The following WDFY2 variants were observed in gnomAD, a reference collection of about 807,000 sequenced individuals.
The protein encoded by WDFY2 is WD repeat and FYVE domain containing 2.
Under a neutral mutation model 56.4 loss-of-function variants are expected in WDFY2, and 36 were observed. The ratio of observed to expected loss-of-function variants is 0.64; its 90% confidence interval spans 0.49 to 0.84. The LOEUF (loss-of-function observed/expected upper bound fraction) is 0.84. Among genes scored for constraint, WDFY2 ranks in the 40% least tolerant of loss-of-function variants. The probability of loss-of-function intolerance (pLI) is 0.00; values close to 1 mark genes in which losing one functional copy is unlikely to be tolerated. For synonymous variants in WDFY2, 176 were observed against 183.7 expected (o/e 0.96, Z 0.34); for missense variants, 444 against 512.2 (o/e 0.87, Z 1.29).
Position 51,766,365 on chromosome 13 carries a change from C to T in WDFY2, c.*6596C>T, listed in dbSNP as rs963694319. On this transcript the variant is annotated 3_prime_UTR_variant, in exon 12 of 12. Transcript: ENST00000298125. The stretch of plus-strand genomic sequence containing the variant: ...CGGATCTTCCATTCTCTACATCCAC[C>T]GGACTGCAGCCCAAGTCTGGACCTG... The T allele has an allele frequency of 1.3e-5, 2 of 152,220 alleles. No individual in the cohort carries two copies. The highest frequency in any genetic ancestry group is 2.1e-4 in the South Asian group (1 of 4,832). The allele number at this position is 152,220 out of a possible 1,614,324, so 9.4% of individuals were successfully genotyped here.
chr13:51,618,593 G>C (rs1200919461), intron 1 of WDFY2, among the ~76,000 whole-genome samples: 1 of 152,226 alleles, frequency 6.6e-6, no homozygotes, highest in Non-Finnish European at 1.5e-5. Flanking sequence ...TGATTAGTGA[G>C]TGTTAAAGGG....
At chr13:51,710,217 G>A (rs1952179755) in intron 4 of WDFY2, among the ~76,000 whole-genome samples, 1 of 152,162 alleles carries the variant, frequency 6.6e-6, no homozygotes, top group Non-Finnish European at 1.5e-5. Context: ...TGCAGAAAAG[G>A]CCTTTGACAA....
chr13:51,644,325 T>G (rs1050427560), intron 1 of WDFY2, among the ~76,000 whole-genome samples: 1 of 152,242 alleles, frequency 6.6e-6, no homozygotes, highest in Admixed American at 6.5e-5. Context: ...CTCGAGGGTC[T>G]TACTACTGAC....
At chr13:51,742,608 A>AG (rs1402527978) in intron 7 of WDFY2, among the ~76,000 whole-genome samples, 5 of 152,162 alleles carry the variant, frequency 3.3e-5, no homozygotes, top group Non-Finnish European at 7.3e-5. Flanking sequence ...TTCTTACATA[A>AG]TACTGTCATT....
At chr13:51,745,762 A>C (rs1216506100) in intron 7 of WDFY2, among the ~76,000 whole-genome samples, 2 of 149,386 alleles carry the variant, frequency 1.3e-5, no homozygotes, top group Admixed American at 6.7e-5. Flanking sequence ...AAAAAAAAAA[A>C]AAACCAGGCT....
intron 1 of WDFY2, among the ~76,000 whole-genome samples, chr13:51,609,021 G>A (rs1236532761): frequency 1.3e-5 from 2 of 152,118 alleles, no homozygotes; most frequent in Admixed American, 1.3e-4. Context: ...ATGTTGTTGT[G>A]TGTGTGTGGG....
Position 51,765,589 on chromosome 13 carries a change from A to C in WDFY2, c.*5820A>C, listed in dbSNP as rs1953720797. On this transcript the variant is annotated 3_prime_UTR_variant, in exon 12 of 12. Transcript: ENST00000298125. Reference sequence around the variant, plus strand: ...TTCCCTGAGTCTCGTTTATTATTGGACATGCCTAGCCCATCACCAGTGACC... The same window carrying C: ...TTCCCTGAGTCTCGTTTATTATTGGCCATGCCTAGCCCATCACCAGTGACC... 2 of 152,170 alleles carry C rather than the reference A, an allele frequency of 1.3e-5. No homozygotes were observed. The highest frequency in any genetic ancestry group is 2.9e-5 in the Non-Finnish European group (2 of 68,022). The allele number at this position is 152,170 out of a possible 1,614,324, so 9.4% of individuals were successfully genotyped here. A position where few individuals can be genotyped will look rare whatever the true frequency, so the allele number is the denominator to read the frequency against.
intron 9 of WDFY2, among the ~76,000 whole-genome samples, chr13:51,755,997 A>G (rs1953368158): frequency 6.6e-6 from 1 of 151,730 alleles, no homozygotes; most frequent in Non-Finnish European, 1.5e-5. Flanking sequence ...ATCTCCTGAG[A>G]CGGCAGTTTC....
chr13:51,615,372 A>G (rs1377285395), intron 1 of WDFY2, among the ~76,000 whole-genome samples: 1 of 152,204 alleles, frequency 6.6e-6, no homozygotes, highest in Non-Finnish European at 1.5e-5. Context: ...ACACTGAAAC[A>G]TCATTTTTTG....
At chr13:51,697,897 TG>T (rs767976634) in intron 3 of WDFY2, among the ~76,000 whole-genome samples, 2 of 152,276 alleles carry the variant, frequency 1.3e-5, no homozygotes, top group Non-Finnish European at 2.9e-5. Flanking sequence ...CAATTATAAT[TG>T]TTCAATATCT....
At chr13:51,743,837 T>C (rs990046368) in intron 7 of WDFY2, among the ~76,000 whole-genome samples, 2 of 152,108 alleles carry the variant, frequency 1.3e-5, no homozygotes, top group African/African-American at 4.8e-5. Context: ...GATGAAGAGA[T>C]TCTCATAGTT....
intron 3 of WDFY2, among the ~76,000 whole-genome samples, chr13:51,684,149 C>A (rs1023527261): frequency 6.6e-6 from 1 of 152,124 alleles, no homozygotes. Context: ...AAACAAATTT[C>A]ACGGTTGCAA....
intron 3 of WDFY2, among the ~76,000 whole-genome samples, chr13:51,684,444 G>A (rs1320936182): frequency 6.6e-6 from 1 of 150,592 alleles, no homozygotes; most frequent in Admixed American, 6.6e-5. Flanking sequence ...TTCTCTGTTA[G>A]AGCCTTAGAT....
At position 51,762,478 on chromosome 13, in the gene WDFY2, G is replaced by A. The variant is rs551449590; in HGVS notation, c.*2709G>A. On this transcript the variant is annotated 3_prime_UTR_variant, in exon 12 of 12. Transcript: ENST00000298125. ...CTTTCCTTTTCTCTCATCTGTGTGGGTGCTTGAATTTGGTGAAATGCGTTT... is the reference window on the plus strand; with the variant it reads ...CTTTCCTTTTCTCTCATCTGTGTGGATGCTTGAATTTGGTGAAATGCGTTT... 6.6e-6 allele frequency: 1 copy of A among 152,226 alleles called. No homozygotes were observed. Among genetic ancestry groups the A allele is most frequent in the Admixed American group, 6.5e-5 (1 of 15,284 alleles). 9.4% of individuals were successfully genotyped at this position (152,226 alleles called of 1,614,324 possible).
chr13:51,605,425 G>T (rs1320012149), intron 1 of WDFY2, among the ~76,000 whole-genome samples: 1 of 152,216 alleles, frequency 6.6e-6, no homozygotes, highest in African/African-American at 2.4e-5. Flanking sequence ...ATATGAAGTT[G>T]TAGTAAGGGG....
chr13:51,757,765 G>A (rs1253459754), intron 10 of WDFY2, among the ~76,000 whole-genome samples: 1 of 151,710 alleles, frequency 6.6e-6, no homozygotes, highest in Non-Finnish European at 1.5e-5. Flanking sequence ...AAAATGAATG[G>A]AGGGGGATAG....
intron 1 of WDFY2, among the ~76,000 whole-genome samples, chr13:51,643,410 A>C (rs1955210908): frequency 6.6e-6 from 1 of 152,152 alleles, no homozygotes; most frequent in Non-Finnish European, 1.5e-5. Flanking sequence ...CATGCCTGCC[A>C]CTGTAACTGG....
rs1416354309 is a variant in WDFY2 at position 51,709,201 on chromosome 13, T to A, written c.334+5551T>A. The stretch of plus-strand genomic sequence containing the variant: ...TAGAACATTCTATCCAACTAAAGTT[T>A]GTTTTATTTATACATTATTTTCAAG... On this transcript the variant is annotated intron_variant, in intron 4 of 11. Transcript: ENST00000298125. Among the ~76,000 whole-genome samples the A allele has an allele frequency of 2.6e-5, 4 of 152,370 alleles. No homozygotes were observed. In the South Asian group the frequency reaches 6.2e-4, roughly 24 times the overall value.
intron 1 of WDFY2, among the ~76,000 whole-genome samples, chr13:51,660,042 A>C (rs1018030510): frequency 6.6e-6 from 1 of 152,242 alleles, no homozygotes; most frequent in African/African-American, 2.4e-5. Flanking sequence ...TCATGATTAC[A>C]CATGTGTGGC....
Sources: allele counts gnomAD v4.1 joint callset (sites outside exome capture counted in the v4.1 genomes callset), GRCh38; gene constraint gnomAD v4.1.1; transcripts MANE v1.5; gene names NCBI Gene and HGNC (gene_info 2026-07-23, HGNC 2026-07-21).